CNTNAP2: variants seen among roughly 807,000 people sequenced by gnomAD.
CNTNAP2 encodes contactin-associated protein-like 2.
Under a neutral mutation model 155.2 loss-of-function variants are expected in CNTNAP2, and 98 were observed. That is an observed-to-expected ratio of 0.63 (90% CI 0.54 to 0.75). The LOEUF (loss-of-function observed/expected upper bound fraction) is 0.75. Ranked by LOEUF, CNTNAP2 falls within the 30% of genes least tolerant of loss-of-function variation. The probability of loss-of-function intolerance (pLI) is 0.00; values close to 1 mark genes in which losing one functional copy is unlikely to be tolerated. For synonymous variants in CNTNAP2, 651 were observed against 631.2 expected (o/e 1.03, Z -0.47); for missense variants, 1,727 against 1,688.1 (o/e 1.02, Z -0.40).
At chr7:147,575,623 C>T (rs1401134580) in intron 12 of CNTNAP2, among the ~76,000 whole-genome samples, 1 of 151,590 alleles carries the variant, frequency 6.6e-6, no homozygotes, top group East Asian at 1.9e-4. Flanking sequence ...ACCATCCTAA[C>T]CAAGGTGCAG....
At chr7:147,005,179 T>G (rs1281766116) in intron 3 of CNTNAP2, among the ~76,000 whole-genome samples, 1 of 152,044 alleles carries the variant, frequency 6.6e-6, no homozygotes, top group Non-Finnish European at 1.5e-5. Context: ...AGGTGTGACA[T>G]AGTTATTTTT....
At chr7:147,527,528 A>C (rs986619149) in intron 11 of CNTNAP2, among the ~76,000 whole-genome samples, 8 of 152,232 alleles carry the variant, frequency 5.3e-5, no homozygotes, top group Admixed American at 5.2e-4. Flanking sequence ...AAGTCCCTGT[A>C]AATAATGCAA....
rs114375990 is a variant in CNTNAP2 at position 148,073,951 on chromosome 7, T to C, written c.2384-44167T>C. On this transcript the variant is annotated intron_variant, in intron 15 of 23. Coordinates refer to ENST00000361727, the MANE Select transcript of CNTNAP2 (RefSeq NM_014141.6). ...TCCATACTTGAATGTGCTCGGATTT[T>C]GGTATAGAAGGGGGTCCTGGAACCA... is the stretch of plus-strand genomic sequence containing the variant. Among the ~76,000 whole-genome samples, 287 of 152,274 alleles carry C rather than the reference T, an allele frequency of 1.9e-3. 1 individual carries two copies. The highest frequency in any genetic ancestry group is 6.1e-3 in the African/African-American group (255 of 41,564).
intron 1 of CNTNAP2, among the ~76,000 whole-genome samples, chr7:146,713,735 G>A (rs1196788508): frequency 3.3e-5 from 5 of 151,972 alleles, no homozygotes; most frequent in Admixed American, 1.3e-4. Context: ...CACTGCCAAC[G>A]TTTACTCAAG....
chr7:146,406,040 A>G (rs2129109690), intron 1 of CNTNAP2, among the ~76,000 whole-genome samples: 1 of 152,352 alleles, frequency 6.6e-6, no homozygotes, highest in East Asian at 1.9e-4. Context: ...AAATGAGCAA[A>G]TCACAATTCC....
At chr7:146,252,234 C>T (rs1364256136) in intron 1 of CNTNAP2, among the ~76,000 whole-genome samples, 1 of 152,210 alleles carries the variant, frequency 6.6e-6, no homozygotes, top group Admixed American at 6.5e-5. Context: ...GGTTCTGATG[C>T]TTATTCCTCC....
At chr7:146,684,211 T>C (rs371705588) in intron 1 of CNTNAP2, among the ~76,000 whole-genome samples, 3 of 152,138 alleles carry the variant, frequency 2.0e-5, no homozygotes, top group African/African-American at 7.2e-5. Flanking sequence ...AGTGGAGATG[T>C]TGGCTACCAT....
At chr7:146,242,577 A>G (rs1202257254) in intron 1 of CNTNAP2, among the ~76,000 whole-genome samples, 1 of 151,790 alleles carries the variant, frequency 6.6e-6, no homozygotes, top group Non-Finnish European at 1.5e-5. Context: ...ACAAAACCAA[A>G]CCCTAAAAAC....
At chr7:148,004,470 C>T (rs1348517081) in intron 15 of CNTNAP2, among the ~76,000 whole-genome samples, 1 of 152,084 alleles carries the variant, frequency 6.6e-6, no homozygotes, top group Non-Finnish European at 1.5e-5. Context: ...TTCATTCTGG[C>T]AGGCATTGTG....
At chr7:146,615,957 T>C (rs1799217132) in intron 1 of CNTNAP2, among the ~76,000 whole-genome samples, 1 of 152,252 alleles carries the variant, frequency 6.6e-6, no homozygotes, top group Non-Finnish European at 1.5e-5. Context: ...ACGTATTTGC[T>C]CAAGTTCTTC....
intron 13 of CNTNAP2, among the ~76,000 whole-genome samples, chr7:147,867,593 C>G (rs192394607): frequency 6.6e-6 from 1 of 152,148 alleles, no homozygotes; most frequent in Non-Finnish European, 1.5e-5. Flanking sequence ...ACCAATCAAA[C>G]GTAGATTTGG....
At chr7:146,317,457 C>T (rs1800926274) in intron 1 of CNTNAP2, among the ~76,000 whole-genome samples, 1 of 152,142 alleles carries the variant, frequency 6.6e-6, no homozygotes, top group South Asian at 2.1e-4. Context: ...TTTTCTGACA[C>T]TCCTTTTGTA....
intron 18 of CNTNAP2, among the ~76,000 whole-genome samples, chr7:148,210,643 C>A (rs1186959950): frequency 6.6e-6 from 1 of 152,168 alleles, no homozygotes; most frequent in Non-Finnish European, 1.5e-5. Flanking sequence ...TGTACAGATT[C>A]AGACACTTAA....
At chr7:146,392,598 C>T (rs1446993665) in intron 1 of CNTNAP2, among the ~76,000 whole-genome samples, 2 of 152,184 alleles carry the variant, frequency 1.3e-5, no homozygotes, top group African/African-American at 4.8e-5. Flanking sequence ...ATACTAAATG[C>T]TCATTCTGGT....
intron 18 of CNTNAP2, among the ~76,000 whole-genome samples, chr7:148,174,888 C>T (rs1359480597): frequency 6.6e-6 from 1 of 152,064 alleles, no homozygotes; most frequent in African/African-American, 2.4e-5. Context: ...GGTATTTGTC[C>T]TAATGCTCTC....
chr7:148,165,978 A>G (rs1379086525), intron 17 of CNTNAP2, among the ~76,000 whole-genome samples: 1 of 152,062 alleles, frequency 6.6e-6, no homozygotes, highest in African/African-American at 2.4e-5. Context: ...CCCTACTTGC[A>G]GGATGGTACC....
intron 13 of CNTNAP2, among the ~76,000 whole-genome samples, chr7:147,763,494 T>C (rs851650): frequency 2.6e-5 from 4 of 151,108 alleles, no homozygotes; most frequent in Non-Finnish European, 5.9e-5. Flanking sequence ...TTCTGACAGT[T>C]GCAAAGAAGA....
chr7:147,472,861 C>CTTTGTGCA (rs1798249674), intron 10 of CNTNAP2, among the ~76,000 whole-genome samples: 1 of 152,166 alleles, frequency 6.6e-6, no homozygotes, highest in African/African-American at 2.4e-5. Context: ...ATCATATTCA[C>CTTTGTGCA]CCAGCAATGC....
At chr7:146,265,776 T>C (rs1324577388) in intron 1 of CNTNAP2, among the ~76,000 whole-genome samples, 2 of 152,202 alleles carry the variant, frequency 1.3e-5, no homozygotes, top group Non-Finnish European at 2.9e-5. Context: ...TATTTTCAAA[T>C]GTAGAATACT....
Sources: gnomAD v4.1 joint callset for allele counts (sites outside exome capture counted in the v4.1 genomes callset) on GRCh38, gnomAD v4.1.1 for gene constraint, MANE v1.5 for transcripts, NCBI Gene and HGNC (gene_info 2026-07-23, HGNC 2026-07-21) for gene names.